Variants in PRKN observed in about 807,000 individuals in gnomAD.
PRKN encodes the protein parkin RBR E3 ubiquitin protein ligase, also known as E3 ubiquitin-protein ligase parkin.
PRKN carries 56 observed loss-of-function variants against 59.5 expected under a neutral mutation model. The observed-to-expected ratio is 0.94, with a 90% CI of 0.76 to 1.18. The LOEUF is 1.18. Ranked by LOEUF, PRKN falls within the 50% of genes most tolerant of loss-of-function variation. The pLI, the probability that PRKN is intolerant of heterozygous loss-of-function variation, is 0.00. For missense variants in PRKN, 657 were observed against 596.4 expected (o/e 1.10, Z -1.06); for synonymous variants, 250 against 222.1 (o/e 1.13, Z -1.12).
chr6:162,548,985 G>A lies in PRKN; in HGVS notation c.8-105512C>T, dbSNP rs187757621. Among the ~76,000 whole-genome samples the A allele has an allele frequency of 3.2e-4, 40 of 125,906 alleles. 1 individual carries two copies. In the South Asian group the frequency reaches 5.3e-3, roughly 17 times the overall value. The allele number at this position is 125,906 out of a possible 152,430, so 82.6% of individuals were successfully genotyped here. On this transcript the variant is annotated intron_variant, in intron 1 of 11. Transcript: ENST00000366898. Reference sequence around the variant, plus strand: ...AGGTAAAGGGATTTCCCATCATATCGTTCCATCTGAGGCTGTTATGGACTC... The same window carrying A: ...AGGTAAAGGGATTTCCCATCATATCATTCCATCTGAGGCTGTTATGGACTC...
At chr6:162,410,276 C>T (rs1409382482) in intron 2 of PRKN, among the ~76,000 whole-genome samples, 1 of 152,058 alleles carries the variant, frequency 6.6e-6, no homozygotes, top group Non-Finnish European at 1.5e-5. Context: ...TCTTTGCCCC[C>T]ATGGGGGGAA....
chr6:161,894,112 C>A (rs940935822), intron 6 of PRKN, among the ~76,000 whole-genome samples: 6 of 152,154 alleles, frequency 3.9e-5, no homozygotes, highest in Non-Finnish European at 8.8e-5. Flanking sequence ...AAAGTTCTCA[C>A]CATTGGAGAC....
chr6:162,593,444 A>G (rs766519436), intron 1 of PRKN, among the ~76,000 whole-genome samples: 11 of 152,228 alleles, frequency 7.2e-5, no homozygotes, highest in Non-Finnish European at 1.5e-4. Context: ...ATTCCATCAA[A>G]CTTATAAACT....
chr6:162,194,502 A>G (rs1784415846), intron 4 of PRKN, among the ~76,000 whole-genome samples: 1 of 152,198 alleles, frequency 6.6e-6, no homozygotes, highest in African/African-American at 2.4e-5. Context: ...AGCAGCATTT[A>G]CTTACAATTT....
At chr6:162,468,518 A>T (rs1791547181) in intron 1 of PRKN, among the ~76,000 whole-genome samples, 1 of 106,968 alleles carries the variant, frequency 9.3e-6, no homozygotes, top group African/African-American at 4.0e-5. Flanking sequence ...AATATAGGAC[A>T]CACACATTTC....
At chr6:162,177,515 ACT>A (rs751251357) in intron 4 of PRKN, among the ~76,000 whole-genome samples, 43 of 152,346 alleles carry the variant, frequency 2.8e-4, no homozygotes, top group Non-Finnish European at 1.0e-4. Context: ...CACTGGTATA[ACT>A]ATAACTTATT....
At chr6:162,288,022 T>C (rs1781272500) in intron 2 of PRKN, among the ~76,000 whole-genome samples, 1 of 152,122 alleles carries the variant, frequency 6.6e-6, no homozygotes, top group South Asian at 2.1e-4. Context: ...TCAGGTTCTG[T>C]CTTATTCCGG....
chr6:161,661,698 A>T (rs527393742), intron 7 of PRKN, among the ~76,000 whole-genome samples: 3 of 152,308 alleles, frequency 2.0e-5, no homozygotes, highest in African/African-American at 7.2e-5. Context: ...CATCTAGAAC[A>T]GTGCCTGAAA....
chr6:161,611,006 GC>G (rs1259468568), intron 7 of PRKN, among the ~76,000 whole-genome samples: 2 of 152,206 alleles, frequency 1.3e-5, no homozygotes, highest in Admixed American at 6.5e-5. Flanking sequence ...CTGATTTGCA[GC>G]TGAAAACTAT....
At position 161,447,587 on chromosome 6, in the gene PRKN, G is replaced by A. The variant is rs536511792; in HGVS notation, c.1084-60710C>T. 5.9e-5 allele frequency among the ~76,000 whole-genome samples: 9 copies of A among 152,154 alleles called. No individual in the cohort carries two copies. The East Asian group carries it at 7.8e-4, about 13-fold the overall frequency. On this transcript the variant is annotated intron_variant, in intron 9 of 11. Transcript: ENST00000366898. This position sits in a 1 kb window ranked among gnomAD's most constrained non-coding sequence, Gnocchi z 4.1. The stretch of plus-strand genomic sequence containing the variant: ...CAGCTCACTGCAACCTCCGCCTCCC[G>A]GGTTCAAGCGATGCTCCTGCCTCAG...
intron 1 of PRKN, among the ~76,000 whole-genome samples, chr6:162,578,403 C>T (rs1780647399): frequency 6.6e-6 from 1 of 152,138 alleles, no homozygotes; most frequent in African/African-American, 2.4e-5. Flanking sequence ...AAAAGTTTAA[C>T]AGTCTGGGGC....
chr6:161,775,151 G>C (rs555693381), intron 7 of PRKN, among the ~76,000 whole-genome samples: 1 of 152,026 alleles, frequency 6.6e-6, no homozygotes, highest in Admixed American at 6.6e-5. Flanking sequence ...CTTATAATAC[G>C]GATTGCCAAA....
chr6:162,443,321 A>T lies in PRKN; in HGVS notation c.160T>A (p.Trp54Arg), dbSNP rs1554325654. Residue 54 changes from tryptophan (W) to arginine (R), a missense_variant, in exon 2 of 12, where the codon TGG (tryptophan) becomes AGG (arginine). Transcript: ENST00000366898. ...CAAGGGAGACTCACCTGCACAGTCC[A>T]GTCATTCCTCAGCTCCTTCCCTGCG... ...IFAGKELRND[W>R]TVQNCDLDQQ... The T allele has an allele frequency of 6.2e-7, 1 of 1,612,446 alleles. No individual in the cohort carries two copies. Among genetic ancestry groups the T allele is most frequent in the Non-Finnish European group, 8.5e-7 (1 of 1,180,018 alleles).
At chr6:162,691,186 T>C (rs1022139050) in intron 1 of PRKN, among the ~76,000 whole-genome samples, 18 of 152,274 alleles carry the variant, frequency 1.2e-4, no homozygotes, top group Non-Finnish European at 2.2e-4. Context: ...CAAATGCCCC[T>C]ACTATATCTA....
rs532976605 is a variant in PRKN at position 162,064,174 on chromosome 6, T to TTATA, written c.535-10004_535-10001dup. Among the ~76,000 whole-genome samples, 19 of 152,324 alleles carry TTATA rather than the reference T, an allele frequency of 1.2e-4. No individual in the cohort carries two copies. The South Asian group carries it at 3.9e-3, about 32-fold the overall frequency. Reference sequence around the variant, plus strand: ...GGAGCTGGCCATAGAAAAGTATGTATTATATGATTCCATTTATATGAAATC... The same window carrying TTATA: ...GGAGCTGGCCATAGAAAAGTATGTATTATATATATGATTCCATTTATATGAAATC... On this transcript the variant is annotated intron_variant, in intron 4 of 11. Transcript: ENST00000366898.
At chr6:161,541,588 AG>A (rs1759475759) in intron 9 of PRKN, among the ~76,000 whole-genome samples, 1 of 152,322 alleles carries the variant, frequency 6.6e-6, no homozygotes, top group South Asian at 2.1e-4. Context: ...TGGGAGGCTG[AG>A]GAGGGTGGAT....
chr6:161,684,723 A>G (rs6923410), intron 7 of PRKN, among the ~76,000 whole-genome samples: 119,626 of 151,860 alleles, frequency 0.79, 47,646 homozygotes, highest in East Asian at 0.9. Flanking sequence ...AATAAGAGTT[A>G]CAATGATAAA....
rs560387993 is a variant in PRKN at position 161,372,084 on chromosome 6, A to G, written c.1168-11879T>C. Among the ~76,000 whole-genome samples the G allele has an allele frequency of 6.6e-4, 100 of 152,350 alleles. No individual in the cohort carries two copies. Among genetic ancestry groups the G allele is most frequent in the Admixed American group, 6.5e-3 (99 of 15,296 alleles). ...TAAAGGGGAAGTGAATTAAAATAAT[A>G]TCTATCAACCTATTTTGAGATTAAT... On this transcript the variant is annotated intron_variant, in intron 10 of 11. Transcript: ENST00000366898. The surrounding 1 kb of genome is among the most constrained non-coding windows in gnomAD (Gnocchi z 4.2).
rs71709903 is a variant in PRKN, at chr6:161,774,382, G to GCGCACACACACA, written c.871+11389_871+11390insTGTGTGTGTGCG. ...CTCCCCCATCCTTTCTACTCCCTGA[G>GCGCACACACACA]CACACACACACACACACACACACAC... On this transcript the variant is annotated intron_variant, in intron 7 of 11. Coordinates refer to ENST00000366898, the MANE Select transcript of PRKN (RefSeq NM_004562.3). 1.9e-4 allele frequency among the ~76,000 whole-genome samples: 25 copies of GCGCACACACACA among 131,030 alleles called. 1 individual carries two copies. Among genetic ancestry groups the GCGCACACACACA allele is most frequent in the Admixed American group, 6.3e-4 (8 of 12,780 alleles). 86.0% of individuals were successfully genotyped at this position (131,030 alleles called of 152,430 possible). A position where few individuals can be genotyped will look rare whatever the true frequency, so the allele number is the denominator to read the frequency against.
Sources: allele counts gnomAD v4.1 joint callset (sites outside exome capture counted in the v4.1 genomes callset), GRCh38; gene constraint gnomAD v4.1.1; non-coding constraint Gnocchi (gnomAD v3.1); transcripts MANE v1.5; gene names NCBI Gene and HGNC (gene_info 2026-07-23, HGNC 2026-07-21).